SOX5: variants seen among roughly 807,000 people sequenced by gnomAD.
SOX5 encodes SRY-box transcription factor 5.
Under a neutral mutation model 92.0 loss-of-function variants are expected in SOX5, and 9 were observed. That is an observed-to-expected ratio of 0.10 (90% CI 0.06 to 0.17). SOX5 has a LOEUF of 0.17. Ranked by LOEUF, SOX5 falls within the 10% of genes least tolerant of loss-of-function variation. The probability of loss-of-function intolerance (pLI) is 1.00; values close to 1 mark genes in which losing one functional copy is unlikely to be tolerated. For synonymous variants in SOX5, 344 were observed against 336.3 expected, an observed-to-expected ratio of 1.02 and a Z score of -0.25; for missense variants, 642 against 944.5, an observed-to-expected ratio of 0.68 and a Z score of 4.20.
At position 23,534,534 on chromosome 12, in the gene SOX5, G is replaced by C; in HGVS notation, c.1989-12C>G. 1.2e-6 allele frequency: 2 copies of C among 1,601,108 alleles called. No individual in the cohort carries two copies. Among genetic ancestry groups the C allele is most frequent in the Non-Finnish European group, 1.7e-6 (2 of 1,173,920 alleles). ...TCTGTGCTTGTTGCCTGTCAAGAAAGGAATTTCCAAAAAGACATCGTGGGT... is the reference window on the plus strand; with the variant it reads ...TCTGTGCTTGTTGCCTGTCAAGAAACGAATTTCCAAAAAGACATCGTGGGT... On this transcript the variant is annotated splice_polypyrimidine_tract_variant and intron_variant, in intron 14 of 14. Transcript: ENST00000451604.
intron 1 of SOX5, among the ~76,000 whole-genome samples, chr12:24,399,101 C>T (rs573385189): frequency 6.4e-4 from 97 of 152,276 alleles, no homozygotes; most frequent in Middle Eastern, 3.4e-3. Context: ...CACCCCAAAA[C>T]ATGACACTAA....
intron 4 of SOX5, among the ~76,000 whole-genome samples, chr12:23,970,491 C>G (rs1365790872): frequency 6.6e-6 from 1 of 151,926 alleles, no homozygotes; most frequent in Non-Finnish European, 1.5e-5. Context: ...TATCTACTTT[C>G]TGTCTTTATG....
intron 1 of SOX5, among the ~76,000 whole-genome samples, chr12:24,522,546 C>T (rs1484434284): frequency 2.0e-5 from 3 of 152,012 alleles, no homozygotes; most frequent in African/African-American, 4.8e-5. Flanking sequence ...GCAAATCAAA[C>T]TCAACAGCAT....
At chr12:24,407,752 C>G (rs769039686) in intron 1 of SOX5, among the ~76,000 whole-genome samples, 1 of 152,078 alleles carries the variant, frequency 6.6e-6, no homozygotes, top group East Asian at 1.9e-4. Context: ...CAGACAGATA[C>G]GGAGTGATCA....
chr12:23,838,334 T>A (rs190880364), intron 3 of SOX5, among the ~76,000 whole-genome samples: 2 of 151,430 alleles, frequency 1.3e-5, no homozygotes, highest in Non-Finnish European at 2.9e-5. Flanking sequence ...CTCAAATACA[T>A]AAATTACTCC....
chr12:23,674,606 G>A (rs958086060), intron 6 of SOX5, among the ~76,000 whole-genome samples: 1 of 151,644 alleles, frequency 6.6e-6, no homozygotes, highest in Non-Finnish European at 1.5e-5. Context: ...CCAAAGTGCT[G>A]GGATTACAGG....
rs572070270 is a variant in SOX5 at position 24,224,544 on chromosome 12, TGTGTGTGTGTGTGG to T, written c.-76-11141_-76-11128del. ...TGATTAAGAATATTCTGAGGATGTA[TGTGTGTGTGTGTGG>T]GTGTGTGTGTGTATGCAGGCACTAT... is the stretch of plus-strand genomic sequence containing the variant. On this transcript the variant is annotated intron_variant, in intron 3 of 4. Coordinates refer to the SOX5 transcript ENST00000446891. Among the ~76,000 whole-genome samples, 581 of 151,292 alleles carry T rather than the reference TGTGTGTGTGTGTGG, an allele frequency of 3.8e-3. 1 individual carries two copies. The highest frequency in any genetic ancestry group is 0.01 in the Middle Eastern group (3 of 294).
intron 4 of SOX5, among the ~76,000 whole-genome samples, chr12:23,958,950 C>T (rs974453749): frequency 6.6e-6 from 1 of 151,674 alleles, no homozygotes; most frequent in Admixed American, 6.6e-5. Flanking sequence ...GGGGAAAAGA[C>T]CCCATTAGCA....
intron 8 of SOX5, among the ~76,000 whole-genome samples, chr12:23,614,914 G>A (rs758666102): frequency 2.6e-5 from 4 of 152,154 alleles, no homozygotes; most frequent in Non-Finnish European, 4.4e-5. Context: ...CAATTCTACT[G>A]TCTCAGCCTC....
At chr12:24,103,602 C>G (rs12305890) in intron 4 of SOX5, among the ~76,000 whole-genome samples, 4,970 of 152,226 alleles carry the variant, frequency 0.033, 310 homozygotes, top group African/African-American at 0.11. Context: ...GTGATCCTCA[C>G]GCCTTGGCCT....
chr12:23,558,625 G>C (rs959350816), intron 11 of SOX5, among the ~76,000 whole-genome samples: 1 of 67,986 alleles, frequency 1.5e-5, no homozygotes, highest in Non-Finnish European at 3.8e-5. Context: ...TTTTTGAGAC[G>C]GAGTTCCGCT....
chr12:24,057,288 A>G (rs1179597596), intron 4 of SOX5, among the ~76,000 whole-genome samples: 1 of 152,156 alleles, frequency 6.6e-6, no homozygotes, highest in Non-Finnish European at 1.5e-5. Context: ...AAAACTATTA[A>G]GAAAAAAGAA....
chr12:24,464,623 G>A (rs923411375), intron 1 of SOX5, among the ~76,000 whole-genome samples: 2 of 152,212 alleles, frequency 1.3e-5, no homozygotes, highest in Non-Finnish European at 2.9e-5. Context: ...TTACAGGCGT[G>A]AGCCACCGCA....
At chr12:24,462,422 A>G (rs1476184694) in intron 1 of SOX5, among the ~76,000 whole-genome samples, 1 of 152,184 alleles carries the variant, frequency 6.6e-6, no homozygotes, top group Non-Finnish European at 1.5e-5. Context: ...CTCCAACAAT[A>G]TTCATGATAT....
At chr12:24,497,582 T>C (rs1485315700) in intron 1 of SOX5, among the ~76,000 whole-genome samples, 2 of 152,210 alleles carry the variant, frequency 1.3e-5, no homozygotes, top group African/African-American at 4.8e-5. Flanking sequence ...GAAAAAGGAA[T>C]GATTTTACAC....
intron 2 of SOX5, among the ~76,000 whole-genome samples, chr12:24,301,648 T>A (rs569621978): frequency 6.6e-6 from 1 of 152,214 alleles, no homozygotes; most frequent in South Asian, 2.1e-4. Context: ...TTTCTAATAA[T>A]GTAGTGCTCT....
intron 11 of SOX5, among the ~76,000 whole-genome samples, chr12:23,547,508 T>C (rs1402831557): frequency 6.6e-6 from 1 of 151,996 alleles, no homozygotes; most frequent in Non-Finnish European, 1.5e-5. Context: ...GTATTACAGG[T>C]AAAGGGCCCA....
chr12:23,779,812 T>TACACACACACAC (rs1381686254), intron 3 of SOX5, among the ~76,000 whole-genome samples: 2 of 74,626 alleles, frequency 2.7e-5, no homozygotes, highest in Admixed American at 1.1e-4. Context: ...TATATATATA[T>TACACACACACAC]ATACACACAC....
At chr12:23,823,313 G>T (rs2096161594) in intron 3 of SOX5, among the ~76,000 whole-genome samples, 1 of 152,154 alleles carries the variant, frequency 6.6e-6, no homozygotes, top group South Asian at 2.1e-4. Flanking sequence ...AGGCCTGGTG[G>T]TGACAAAATT....
Sources: allele counts gnomAD v4.1 joint callset (sites outside exome capture counted in the v4.1 genomes callset), GRCh38; gene constraint gnomAD v4.1.1; transcripts MANE v1.5; gene names NCBI Gene and HGNC (gene_info 2026-07-23, HGNC 2026-07-21).